Variants in N4BP2 observed in about 807,000 individuals in gnomAD.
The protein encoded by N4BP2 is NEDD4 binding protein 2, also known as NEDD4-binding protein 2.
In N4BP2, 91 loss-of-function variants were observed where a neutral mutation model predicts 152.8. That is an observed-to-expected ratio of 0.60 (90% CI 0.50 to 0.71). The LOEUF (loss-of-function observed/expected upper bound fraction) is 0.71, where lower values mean the gene tolerates loss of function less well. Ranked by LOEUF, N4BP2 falls within the 30% of genes least tolerant of loss-of-function variation. The pLI, the probability that N4BP2 is intolerant of heterozygous loss-of-function variation, is 0.00. For synonymous variants in N4BP2, 646 were observed against 705.3 expected (o/e 0.92, Z 1.33); for missense variants, 1,923 against 2,059.1 (o/e 0.93, Z 1.28).
chr4:40,090,691 G>A (rs1010687391), intron 2 of N4BP2, among the ~76,000 whole-genome samples: 1 of 152,102 alleles, frequency 6.6e-6, no homozygotes, highest in African/African-American at 2.4e-5. Flanking sequence ...CCAGTACTTT[G>A]GGAGGCTGAG....
intron 5 of N4BP2, among the ~76,000 whole-genome samples, chr4:40,110,586 G>A (rs2109978169): frequency 6.6e-6 from 1 of 152,234 alleles, no homozygotes; most frequent in South Asian, 2.1e-4. Flanking sequence ...CACTTAGACT[G>A]GAGTGCAGTG....
In N4BP2 at chr4:40,102,631, C is replaced by T. The variant is rs780806546; in HGVS notation, c.786C>T (p.Leu262=). The change falls in exon 4 of 18, where the codon CTC becomes CTT. Residue 262 remains leucine (L), a synonymous_variant. Transcript: ENST00000261435. ...ASDSIAGCSS[L]NQKQKELLES... ...ACTCCATCGCAGGTTGTAGCAGTCT[C>T]AATCAAAAACAGAAAGAACTTTTAG... 1 of 1,614,178 alleles carries T rather than the reference C, an allele frequency of 6.2e-7. No homozygotes were observed. The highest frequency in any genetic ancestry group is 1.7e-5 in the Admixed American group (1 of 60,014).
chr4:40,129,524 G>A (rs1381298369), intron 12 of N4BP2, among the ~76,000 whole-genome samples: 1 of 152,092 alleles, frequency 6.6e-6, no homozygotes, highest in Non-Finnish European at 1.5e-5. Context: ...ACCACACCTG[G>A]CCTTTTCTTG....
intron 14 of N4BP2, chr4:40,142,257 GT>G: frequency 6.5e-6 from 2 of 305,658 alleles, no homozygotes; most frequent in Non-Finnish European, 1.3e-5. Flanking sequence ...CCAATGAACA[GT>G]TTTTTCAACT....
At chr4:40,134,867 TTCTC>T (rs1389885636) in intron 13 of N4BP2, among the ~76,000 whole-genome samples, 1 of 151,716 alleles carries the variant, frequency 6.6e-6, no homozygotes, top group Non-Finnish European at 1.5e-5. Context: ...CTTTCTTTCT[TTCTC>T]TCTTTCTTCC....
intron 2 of N4BP2, among the ~76,000 whole-genome samples, chr4:40,079,423 GTT>G (rs35152952): frequency 3.7e-5 from 5 of 133,822 alleles, no homozygotes; most frequent in Admixed American, 7.6e-5. Context: ...ACCCTGGATG[GTT>G]TTTTTTTTTT....
At chr4:40,099,476 C>G (rs1715414928) in intron 3 of N4BP2, among the ~76,000 whole-genome samples, 1 of 152,060 alleles carries the variant, frequency 6.6e-6, no homozygotes, top group Non-Finnish European at 1.5e-5. Flanking sequence ...TCTCGAACTC[C>G]TGACCTCAGG....
At chr4:40,185,618 A>G in the N4BP2 span, among the ~76,000 whole-genome samples, 1 of 152,152 alleles carries the variant, frequency 6.6e-6, no homozygotes, top group East Asian at 1.9e-4. Flanking sequence ...TTGGAAAAAA[A>G]CATTTTAATA....
chr4:40,171,330 C>G, the N4BP2 span, among the ~76,000 whole-genome samples: 1 of 152,120 alleles, frequency 6.6e-6, no homozygotes, highest in African/African-American at 2.4e-5. Context: ...AAAGAGAGTG[C>G]CATCTTGTTT....
rs897485232 is a variant in N4BP2 at position 40,137,049 on chromosome 4, A to G, written c.4752A>G (p.Thr1584=). Residue 1584 remains threonine (T), a synonymous_variant, in exon 14 of 18, where the codon ACA becomes ACG. Transcript: ENST00000261435. ...QEFVHQNENV[T]SHTGQKSKEK... ...TTGTTCACCAAAATGAGAATGTCAC[A>G]TCTCATACTGGCCAGAAGTCTAAAG... 6.2e-7 allele frequency: 1 copy of G among 1,613,840 alleles called. No individual in the cohort carries two copies. Among genetic ancestry groups the G allele is most frequent in the Non-Finnish European group, 8.5e-7 (1 of 1,179,818 alleles).
At chr4:40,076,351 C>T (rs1321302726) in intron 2 of N4BP2, among the ~76,000 whole-genome samples, 1 of 151,972 alleles carries the variant, frequency 6.6e-6, no homozygotes, top group African/African-American at 2.4e-5. Context: ...TGGTGCACAC[C>T]TGTGGTCCCA....
chr4:40,078,910 G>A (rs970111927), intron 2 of N4BP2, among the ~76,000 whole-genome samples: 1 of 151,906 alleles, frequency 6.6e-6, no homozygotes, highest in Non-Finnish European at 1.5e-5. Context: ...TAATAAAATT[G>A]TGTATCTTGA....
chr4:40,157,316 A>C lies in N4BP2; in HGVS notation c.*3079A>C, dbSNP rs367690369. The C allele has an allele frequency of 6.6e-6, 1 of 152,180 alleles. No individual in the cohort carries two copies. Among genetic ancestry groups the C allele is most frequent in the East Asian group, 1.9e-4 (1 of 5,188 alleles). The allele number at this position is 152,180 out of a possible 1,614,324, so 9.4% of individuals were successfully genotyped here. ...ACTATTTGCAACTTTATGGCCTTTA[A>C]ATATAGGACATATTATATAGCAGAA... On this transcript the variant is annotated 3_prime_UTR_variant, in exon 18 of 18. Coordinates refer to ENST00000261435, the MANE Select transcript of N4BP2 (RefSeq NM_018177.6).
intron 2 of N4BP2, among the ~76,000 whole-genome samples, chr4:40,080,997 G>T (rs1291565728): frequency 6.6e-6 from 1 of 151,672 alleles, no homozygotes; most frequent in Non-Finnish European, 1.5e-5. Context: ...AACATTATTT[G>T]GACACTAAAA....
chr4:40,142,304 TG>T, intron 14 of N4BP2: 1 of 322,094 alleles, frequency 3.1e-6, no homozygotes. Context: ...CTCCTCTCTC[TG>T]GCGGTGGTGG....
rs748839067 is a variant in N4BP2, at chr4:40,107,066, T to C, written c.1498+42T>C. On this transcript the variant is annotated intron_variant, in intron 5 of 17. Coordinates refer to ENST00000261435, the MANE Select transcript of N4BP2 (RefSeq NM_018177.6). ...AGATTCTGGGTAACGTTATGAGTAA[T>C]ACAAAGAAAAAATTCACTTAGTATT... 2.5e-6 allele frequency: 4 copies of C among 1,588,394 alleles called. No individual in the cohort carries two copies. In the South Asian group the frequency reaches 4.6e-5, roughly 18 times the overall value.
intron 1 of N4BP2, among the ~76,000 whole-genome samples, chr4:40,062,950 G>A (rs1485418558): frequency 1.3e-5 from 2 of 152,108 alleles, no homozygotes; most frequent in Non-Finnish European, 2.9e-5. Flanking sequence ...TCACCACATA[G>A]CGGTAAATGG....
chr4:40,174,660 G>A, the N4BP2 span, among the ~76,000 whole-genome samples: 2 of 151,994 alleles, frequency 1.3e-5, no homozygotes, highest in South Asian at 2.1e-4. Flanking sequence ...AAAATTAGGC[G>A]GTGTAGTGGT....
rs1717801387 is a variant in N4BP2, at chr4:40,120,653, G to T, written c.2542G>T (p.Val848Leu). 3 of 1,614,048 alleles carry T rather than the reference G, an allele frequency of 1.9e-6. No homozygotes were observed. In the African/African-American group the frequency reaches 4.0e-5, roughly 22 times the overall value. The change falls in exon 9 of 18, where the codon GTA (valine) becomes TTA (leucine). Residue 848 changes from valine to leucine, a missense_variant. Coordinates refer to ENST00000261435, the MANE Select transcript of N4BP2 (RefSeq NM_018177.6). Reference sequence around the variant, plus strand: ...GCAACGAGGATCTCCACATGAAAGTGTAGAGGATGGCAGAAAGTCACAGTG... The same window carrying T: ...GCAACGAGGATCTCCACATGAAAGTTTAGAGGATGGCAGAAAGTCACAGTG... Reference protein sequence around the residue: ...VQQRGSPHESVEDGRKSQCDD... With the variant: ...VQQRGSPHESLEDGRKSQCDD...
Sources: gnomAD v4.1 joint callset for allele counts (sites outside exome capture counted in the v4.1 genomes callset) on GRCh38, gnomAD v4.1.1 for gene constraint, MANE v1.5 for transcripts, NCBI Gene and HGNC (gene_info 2026-07-23, HGNC 2026-07-21) for gene names.